Variants in PLCB1 observed in about 807,000 individuals in gnomAD.
PLCB1 encodes the protein phospholipase C beta 1.
PLCB1 carries 46 observed loss-of-function variants against 161.8 expected under a neutral mutation model. That is an observed-to-expected ratio of 0.28 (90% CI 0.22 to 0.36). The LOEUF (loss-of-function observed/expected upper bound fraction) is 0.36, where lower values mean the gene tolerates loss of function less well. Ranked by LOEUF, PLCB1 falls within the 10% of genes least tolerant of loss-of-function variation. The pLI is 1.00. For missense variants in PLCB1, 1,016 were observed against 1,472.5 expected, an observed-to-expected ratio of 0.69 and a Z score of 5.07; for synonymous variants, 517 against 503.7, an observed-to-expected ratio of 1.03 and a Z score of -0.35.
chr20:8,319,493 G>A (rs1984808964), intron 2 of PLCB1, among the ~76,000 whole-genome samples: 1 of 151,708 alleles, frequency 6.6e-6, no homozygotes, highest in South Asian at 2.1e-4. Context: ...GGCTCAGCAT[G>A]ACACACTGTC....
chr20:8,234,442 C>T (rs1341193821), intron 2 of PLCB1, among the ~76,000 whole-genome samples: 1 of 152,052 alleles, frequency 6.6e-6, no homozygotes, highest in African/African-American at 2.4e-5. Context: ...GTCATGTGTT[C>T]ATTTTGCTTA....
At chr20:8,754,718 A>G (rs748343010) in intron 23 of PLCB1, among the ~76,000 whole-genome samples, 1 of 152,154 alleles carries the variant, frequency 6.6e-6, no homozygotes, top group Non-Finnish European at 1.5e-5. Flanking sequence ...CCAAAGAACC[A>G]CCCACTGTGG....
chr20:8,192,035 C>T (rs751746425), intron 2 of PLCB1, among the ~76,000 whole-genome samples: 12 of 151,816 alleles, frequency 7.9e-5, no homozygotes, highest in Non-Finnish European at 1.5e-4. Context: ...AGTTAGGATA[C>T]AATAAAAGGC....
chr20:8,771,239 ATG>A lies in PLCB1; in HGVS notation c.2931-3298_2931-3297del, dbSNP rs148321267. Reference sequence around the variant, plus strand: ...CAACATATCTGTTGATTTTAATTACATGTTGAAATGATATTTTGGATATATTA... The same window carrying A: ...CAACATATCTGTTGATTTTAATTACATTGAAATGATATTTTGGATATATTA... On this transcript the variant is annotated intron_variant, in intron 26 of 31. Coordinates refer to ENST00000338037, the MANE Select transcript of PLCB1 (RefSeq NM_015192.4). 2.5e-3 allele frequency among the ~76,000 whole-genome samples: 381 copies of A among 152,324 alleles called. 14 individuals are homozygous for A. The East Asian group carries it at 0.063, about 25-fold the overall frequency.
rs191688948 is a variant in PLCB1, at chr20:8,818,583, T to C, written c.3423+28322T>C. On this transcript the variant is annotated intron_variant, in intron 31 of 31. Coordinates refer to ENST00000338037, the MANE Select transcript of PLCB1 (RefSeq NM_015192.4). ...GCAAATATGCTGAATATAAAATTAA[T>C]TTATAAAAATCCATTTCATTTCCAT... Among the ~76,000 whole-genome samples the C allele has an allele frequency of 8.5e-5, 13 of 152,312 alleles. No homozygotes were observed. The East Asian group carries it at 2.5e-3, about 29-fold the overall frequency.
At chr20:8,535,604 C>T (rs1985019958) in intron 3 of PLCB1, among the ~76,000 whole-genome samples, 1 of 152,112 alleles carries the variant, frequency 6.6e-6, no homozygotes. Context: ...GGACATTTGG[C>T]AAAGGACAGC....
intron 31 of PLCB1, among the ~76,000 whole-genome samples, chr20:8,856,628 TAAATA>T (rs1987077912): frequency 6.6e-6 from 1 of 151,834 alleles, no homozygotes; most frequent in Admixed American, 6.6e-5. Flanking sequence ...AAAAAATAAA[TAAATA>T]AAAAGAGCCA....
chr20:8,657,019 C>T (rs1989479536), intron 7 of PLCB1, among the ~76,000 whole-genome samples, 165 bp from the exon 8 acceptor site: 3 of 151,672 alleles, frequency 2.0e-5, no homozygotes, highest in Admixed American at 2.0e-4. Context: ...AATGTTTACC[C>T]TGACCTCCTA....
intron 13 of PLCB1, among the ~76,000 whole-genome samples, chr20:8,717,415 C>T (rs372142052): frequency 2.0e-5 from 3 of 152,082 alleles, no homozygotes; most frequent in African/African-American, 7.2e-5. Context: ...AGATTTAGTA[C>T]ATCAAATCTA....
At chr20:8,404,124 GCAGA>G (rs1978685629) in intron 3 of PLCB1, among the ~76,000 whole-genome samples, 1 of 151,972 alleles carries the variant, frequency 6.6e-6, no homozygotes, top group South Asian at 2.1e-4. Flanking sequence ...ATTTTTCTTT[GCAGA>G]CAAATTTTAT....
At chr20:8,417,054 CAT>C (rs1568667963) in intron 3 of PLCB1, among the ~76,000 whole-genome samples, 387 of 38,004 alleles carry the variant, frequency 0.01, 1 homozygote, top group South Asian at 0.049. Flanking sequence ...CACACACACA[CAT>C]ATATATATAT....
chr20:8,717,614 A>G (rs922361509), intron 13 of PLCB1, 57 bp from the exon 14 acceptor site: 7 of 1,360,910 alleles, frequency 5.1e-6, no homozygotes, highest in Admixed American at 1.9e-5. Context: ...GGGTCTGGGG[A>G]GGGGATCTGA....
intron 9 of PLCB1, among the ~76,000 whole-genome samples, chr20:8,681,798 A>T (rs1466826510): frequency 3.3e-5 from 5 of 152,234 alleles, no homozygotes; most frequent in African/African-American, 1.2e-4. Flanking sequence ...ATATCATTTG[A>T]CCTAATCAGA....
intron 2 of PLCB1, among the ~76,000 whole-genome samples, chr20:8,200,984 A>G (rs1486204214): frequency 1.3e-5 from 2 of 152,132 alleles, no homozygotes; most frequent in African/African-American, 4.8e-5. Flanking sequence ...TTCTCTGCAT[A>G]TAATAAAATA....
chr20:8,674,413 A>T lies in PLCB1; in HGVS notation c.863-10519A>T, dbSNP rs530793601. On this transcript the variant is annotated intron_variant, in intron 9 of 31. Transcript: ENST00000338037. ...CCTAGAGTGGTGGCTAAGCACTAAG[A>T]GCCTTCCCTAGTGCCTGGGCATCAG... Among the ~76,000 whole-genome samples, 18 of 152,260 alleles carry T rather than the reference A, an allele frequency of 1.2e-4. 2 individuals carry two copies. The South Asian group carries it at 3.5e-3, about 30-fold the overall frequency.
chr20:8,523,002 T>C (rs1055989407), intron 3 of PLCB1, among the ~76,000 whole-genome samples: 1 of 152,130 alleles, frequency 6.6e-6, no homozygotes, highest in African/African-American at 2.4e-5. Context: ...AGCTATCAAA[T>C]AAAATGTTGG....
Position 8,487,394 on chromosome 20 carries a change from C to G in PLCB1, c.246+115944C>G, listed in dbSNP as rs557846958. 2.0e-5 allele frequency among the ~76,000 whole-genome samples: 3 copies of G among 152,284 alleles called. No homozygotes were observed. The East Asian group carries it at 5.8e-4, about 29-fold the overall frequency. On this transcript the variant is annotated intron_variant, in intron 3 of 31. Transcript: ENST00000338037. The stretch of plus-strand genomic sequence containing the variant: ...ATGAAGTGGAGGTTTCCCAGTGACA[C>G]CTGTAGCAGTGCTTCTCAGGGACAT...
intron 27 of PLCB1, among the ~76,000 whole-genome samples, chr20:8,783,421 A>G (rs984308027): frequency 6.6e-6 from 1 of 152,228 alleles, no homozygotes; most frequent in Non-Finnish European, 1.5e-5. Flanking sequence ...AAAGCACTTC[A>G]ATTATTATAT....
rs1485697576 is a variant in PLCB1, at chr20:8,681,119, T to TATAA, written c.863-3812_863-3811insTAAA. On this transcript the variant is annotated intron_variant, in intron 9 of 31. Coordinates refer to ENST00000338037, the MANE Select transcript of PLCB1 (RefSeq NM_015192.4). ...ATATATATATATATATATATATATATAATATATATAAAATCAGTGTCTCAT... is the reference window on the plus strand; with the variant it reads ...ATATATATATATATATATATATATATATAAAATATATATAAAATCAGTGTCTCAT... 7.5e-3 allele frequency among the ~76,000 whole-genome samples: 618 copies of TATAA among 81,926 alleles called. 9 individuals carry two copies. The highest frequency in any genetic ancestry group is 0.022 in the African/African-American group (371 of 16,882). The allele number at this position is 81,926 out of a possible 152,430, so 53.7% of individuals were successfully genotyped here.
Sources: gnomAD v4.1 joint callset for allele counts (sites outside exome capture counted in the v4.1 genomes callset) on GRCh38, gnomAD v4.1.1 for gene constraint, MANE v1.5 for transcripts, NCBI Gene and HGNC (gene_info 2026-07-23, HGNC 2026-07-21) for gene names.